The following SLC10A7 variants were observed in gnomAD, a reference collection of about 807,000 sequenced individuals.
SLC10A7 encodes the protein solute carrier family 10 member 7, also known as sodium/bile acid cotransporter 7.
Under a neutral mutation model 43.2 loss-of-function variants are expected in SLC10A7, and 29 were observed. That is an observed-to-expected ratio of 0.67 (90% CI 0.50 to 0.92). The LOEUF (loss-of-function observed/expected upper bound fraction) is 0.92. Among genes scored for constraint, SLC10A7 ranks in the 40% least tolerant of loss-of-function variants. The pLI is 0.00. For missense variants in SLC10A7, 295 were observed against 403.2 expected (o/e 0.73, Z 2.30); for synonymous variants, 152 against 144.8 (o/e 1.05, Z -0.35).
chr4:146,301,992 G>A (rs550831602), intron 7 of SLC10A7, among the ~76,000 whole-genome samples: 16 of 152,270 alleles, frequency 1.1e-4, no homozygotes, highest in African/African-American at 3.4e-4. Flanking sequence ...CATGAAGAAT[G>A]AGCCATCTAA....
chr4:146,350,325 G>A (rs1230344813), intron 5 of SLC10A7, among the ~76,000 whole-genome samples: 3 of 151,484 alleles, frequency 2.0e-5, no homozygotes, highest in Non-Finnish European at 4.4e-5. Context: ...TTTTCAGAAC[G>A]GCTTAAAAAA....
chr4:146,466,224 A>G (rs746264630), intron 4 of SLC10A7, among the ~76,000 whole-genome samples: 1 of 152,206 alleles, frequency 6.6e-6, no homozygotes, highest in South Asian at 2.1e-4. Flanking sequence ...ACATTTTGTT[A>G]TATTATCTGA....
chr4:146,271,301 G>T (rs1728877411), intron 10 of SLC10A7, among the ~76,000 whole-genome samples: 1 of 152,154 alleles, frequency 6.6e-6, no homozygotes, highest in South Asian at 2.1e-4. Flanking sequence ...CTGCTCCTCT[G>T]CAGTCTTCCC....
At chr4:146,467,991 G>T (rs1579265735) in intron 4 of SLC10A7, among the ~76,000 whole-genome samples, 1 of 152,306 alleles carries the variant, frequency 6.6e-6, no homozygotes, top group East Asian at 1.9e-4. Context: ...TGGGAGAAGA[G>T]AGATATTACA....
Position 146,416,106 on chromosome 4 carries a change from G to A in SLC10A7, c.435+26677C>T, listed in dbSNP as rs1046266768. ...TCTGGCATGGAGCAGACACTTGGCT[G>A]AAAGACTGAGTGAGAATGATCAGCT... On this transcript the variant is annotated intron_variant, in intron 5 of 11. Coordinates refer to ENST00000335472, the MANE Select transcript of SLC10A7 (RefSeq NM_001029998.6). 3.3e-5 allele frequency among the ~76,000 whole-genome samples: 5 copies of A among 152,306 alleles called. No homozygotes were observed. In the East Asian group the frequency reaches 9.6e-4, roughly 29 times the overall value.
At chr4:146,451,676 C>T (rs1490435620) in intron 4 of SLC10A7, among the ~76,000 whole-genome samples, 1 of 152,092 alleles carries the variant, frequency 6.6e-6, no homozygotes, top group Non-Finnish European at 1.5e-5. Flanking sequence ...TAAAATTCGA[C>T]ATCTCTTCAT....
At chr4:146,477,228 G>T (rs1453499677) in intron 4 of SLC10A7, among the ~76,000 whole-genome samples, 1 of 152,202 alleles carries the variant, frequency 6.6e-6, no homozygotes, top group Non-Finnish European at 1.5e-5. Context: ...TAAAGAATGC[G>T]TTGTAGCGCT....
intron 5 of SLC10A7, among the ~76,000 whole-genome samples, chr4:146,328,158 C>T (rs982307723): frequency 3.3e-5 from 5 of 152,078 alleles, no homozygotes; most frequent in Admixed American, 2.0e-4. Flanking sequence ...CTAGGCCTGG[C>T]TTACCTGCTA....
intron 5 of SLC10A7, among the ~76,000 whole-genome samples, chr4:146,404,888 T>C (rs1739475649): frequency 6.6e-6 from 1 of 152,214 alleles, no homozygotes. Context: ...GTTTTTGTTA[T>C]TGACAGTTTT....
At chr4:146,369,575 C>CT (rs369493425) in intron 5 of SLC10A7, among the ~76,000 whole-genome samples, 1 of 152,122 alleles carries the variant, frequency 6.6e-6, no homozygotes, top group Non-Finnish European at 1.5e-5. Context: ...ATTCAGTGAA[C>CT]TTTCACCTTG....
chr4:146,465,369 T>G (rs918560727), intron 4 of SLC10A7, among the ~76,000 whole-genome samples: 9 of 152,106 alleles, frequency 5.9e-5, no homozygotes, highest in African/African-American at 2.2e-4. Context: ...CTAGGAAAAT[T>G]TATAAATAAA....
chr4:146,386,899 T>C (rs903145817), intron 5 of SLC10A7, among the ~76,000 whole-genome samples: 1 of 152,202 alleles, frequency 6.6e-6, no homozygotes, highest in Admixed American at 6.5e-5. Flanking sequence ...GCAAGTTCTA[T>C]TTTTCATAGA....
At chr4:146,472,758 A>G (rs528307281) in intron 4 of SLC10A7, among the ~76,000 whole-genome samples, 52 of 152,326 alleles carry the variant, frequency 3.4e-4, no homozygotes, top group Non-Finnish European at 6.6e-4. Context: ...TACAAAAGAC[A>G]GAAATCCATT....
intron 5 of SLC10A7, chr4:146,441,844 C>CT: frequency 1.0e-6 from 1 of 985,176 alleles, no homozygotes; most frequent in Non-Finnish European, 1.2e-6. Flanking sequence ...AGAATTAACA[C>CT]TATGTAACAA....
At chr4:146,293,045 G>T in intron 8 of SLC10A7, 65 bp from the exon 9 acceptor site, 2 of 1,006,618 alleles carry the variant, frequency 2.0e-6, no homozygotes, top group South Asian at 1.6e-5. Context: ...ATACTTATTG[G>T]TATACTTGTT....
chr4:146,364,105 C>G (rs1206807292), intron 5 of SLC10A7, among the ~76,000 whole-genome samples: 1 of 146,796 alleles, frequency 6.8e-6, no homozygotes, highest in Non-Finnish European at 1.5e-5. Flanking sequence ...AAACCTTTAG[C>G]TAAACTAAGA....
intron 4 of SLC10A7, among the ~76,000 whole-genome samples, chr4:146,448,103 T>A (rs6537419): frequency 0.82 from 124,199 of 151,848 alleles, 51,459 homozygotes; most frequent in African/African-American, 0.93. Context: ...GCATTATGAG[T>A]TATACCTAAT....
chr4:146,513,720 C>T (rs1313628370), intron 2 of SLC10A7, among the ~76,000 whole-genome samples: 1 of 152,162 alleles, frequency 6.6e-6, no homozygotes, highest in Admixed American at 6.6e-5. Flanking sequence ...CACAAAATCC[C>T]AGCATCATAT....
chr4:146,304,707 T>G (rs906555234), intron 7 of SLC10A7, among the ~76,000 whole-genome samples: 1 of 152,128 alleles, frequency 6.6e-6, no homozygotes, highest in African/African-American at 2.4e-5. Context: ...GGTGTGGTGC[T>G]GAAAAAAATG....
Sources: gnomAD v4.1 joint callset for allele counts (sites outside exome capture counted in the v4.1 genomes callset) on GRCh38, gnomAD v4.1.1 for gene constraint, MANE v1.5 for transcripts, NCBI Gene and HGNC (gene_info 2026-07-23, HGNC 2026-07-21) for gene names.